Variants in ATP10D observed in about 807,000 individuals in gnomAD.
ATP10D encodes phospholipid-transporting ATPase VD.
In ATP10D, 89 loss-of-function variants were observed where a neutral mutation model predicts 144.8. The ratio of observed to expected loss-of-function variants is 0.61; its 90% CI spans 0.52 to 0.73. The LOEUF is 0.73. ATP10D is among the 30% of genes least tolerant of loss of function. ATP10D has a pLI of 0.00. For synonymous variants in ATP10D, 571 were observed against 615.1 expected, an observed-to-expected ratio of 0.93 and a Z score of 1.06; for missense variants, 1,603 against 1,714.8, an observed-to-expected ratio of 0.93 and a Z score of 1.15.
chr4:47,550,233 A>G (rs1050710611), intron 10 of ATP10D, among the ~76,000 whole-genome samples: 2 of 152,286 alleles, frequency 1.3e-5, no homozygotes, highest in East Asian at 3.9e-4. Context: ...AGTTTTGCAT[A>G]AACAATTATA....
At chr4:47,547,097 A>G (rs1013338554) in intron 10 of ATP10D, 3 of 525,240 alleles carry the variant, frequency 5.7e-6, no homozygotes, top group East Asian at 3.2e-5. Flanking sequence ...TCTGAAAAAA[A>G]AAAAGGAGAA....
chr4:47,496,040 A>T (rs953766874), intron 1 of ATP10D, among the ~76,000 whole-genome samples: 3 of 152,040 alleles, frequency 2.0e-5, no homozygotes, highest in Non-Finnish European at 2.9e-5. Context: ...CCCAGCCTAA[A>T]CATCATTTTT....
At chr4:47,562,516 ATGTC>A (rs1560446844) in intron 14 of ATP10D, among the ~76,000 whole-genome samples, 1 of 152,208 alleles carries the variant, frequency 6.6e-6, no homozygotes, top group Non-Finnish European at 1.5e-5. Context: ...ACCAGTCAGA[ATGTC>A]TGTTAAAACG....
intron 16 of ATP10D, among the ~76,000 whole-genome samples, chr4:47,570,802 C>CA (rs35697866): frequency 1.6e-3 from 208 of 129,332 alleles, no homozygotes; most frequent in East Asian, 9.3e-3. Flanking sequence ...GATTCTGTCT[C>CA]AAAAAAAAAA....
intron 1 of ATP10D, among the ~76,000 whole-genome samples, chr4:47,487,627 T>C (rs1192682933): frequency 6.6e-6 from 1 of 152,228 alleles, no homozygotes; most frequent in Non-Finnish European, 1.5e-5. Flanking sequence ...CTATTCCTCG[T>C]CAGTTATTCC....
intron 18 of ATP10D, among the ~76,000 whole-genome samples, chr4:47,576,192 A>G (rs1179294824): frequency 1.3e-5 from 2 of 151,690 alleles, no homozygotes; most frequent in Admixed American, 1.3e-4. Flanking sequence ...CGGCCTCCCA[A>G]AGTGTGGGGT....
intron 10 of ATP10D, among the ~76,000 whole-genome samples, chr4:47,554,515 G>A (rs1198842032): frequency 6.6e-6 from 1 of 152,120 alleles, no homozygotes; most frequent in Non-Finnish European, 1.5e-5. Context: ...TTGATGAGGT[G>A]CATTCTGGAT....
At position 47,504,290 on chromosome 4, in the gene ATP10D, T is replaced by G. The variant is rs1362061919; in HGVS notation, c.-37-8214T>G. On this transcript the variant is annotated intron_variant, in intron 1 of 22. Transcript: ENST00000273859. ...GTGAGGTGAAGAAAAACCTTTTTTTTGTAGATAGAGGATAGTAGTTACCAA... is the reference window on the plus strand; with the variant it reads ...GTGAGGTGAAGAAAAACCTTTTTTTGGTAGATAGAGGATAGTAGTTACCAA... 2.0e-5 allele frequency among the ~76,000 whole-genome samples: 3 copies of G among 152,182 alleles called. No individual in the cohort carries two copies. The South Asian group carries it at 6.2e-4, about 32-fold the overall frequency.
chr4:47,532,672 C>A (rs1717627015), intron 5 of ATP10D, among the ~76,000 whole-genome samples: 1 of 152,190 alleles, frequency 6.6e-6, no homozygotes. Flanking sequence ...AATTGAGATG[C>A]TTAAGCTACC....
intron 15 of ATP10D, among the ~76,000 whole-genome samples, chr4:47,565,888 C>A (rs535349266): frequency 3.3e-5 from 5 of 152,052 alleles, no homozygotes; most frequent in Non-Finnish European, 5.9e-5. Flanking sequence ...TTTTTGCTAT[C>A]GATAGCTATT....
chr4:47,590,633 G>A (rs4558836), intron 22 of ATP10D, among the ~76,000 whole-genome samples: 19,395 of 152,022 alleles, frequency 0.13, 1,695 homozygotes, highest in East Asian at 0.48. Context: ...AAAGGGACAC[G>A]TTTGTGGTAC....
intron 4 of ATP10D, among the ~76,000 whole-genome samples, chr4:47,524,628 C>A (rs186617156): frequency 6.6e-6 from 1 of 152,176 alleles, no homozygotes; most frequent in Non-Finnish European, 1.5e-5. Flanking sequence ...CTGGTGACCT[C>A]GATTGTAATC....
chr4:47,560,694 A>G (rs1719249654), intron 13 of ATP10D, among the ~76,000 whole-genome samples: 1 of 152,222 alleles, frequency 6.6e-6, no homozygotes, highest in African/African-American at 2.4e-5. Flanking sequence ...ACCCACTGTC[A>G]TCATATATGG....
chr4:47,568,697 A>G, intron 15 of ATP10D, 140 bp from the exon 16 acceptor site: 1 of 747,554 alleles, frequency 1.3e-6, no homozygotes, highest in Non-Finnish European at 2.2e-6. Flanking sequence ...GAAGACTCGT[A>G]AAATCTTTGA....
intron 3 of ATP10D, among the ~76,000 whole-genome samples, chr4:47,517,415 CAAAT>C (rs1716746573): frequency 6.6e-6 from 1 of 152,164 alleles, no homozygotes; most frequent in East Asian, 1.9e-4. Context: ...GACCCTGTCT[CAAAT>C]GAATGAAATA....
chr4:47,582,043 GGT>G lies in ATP10D; in HGVS notation c.3733_3734del (p.Val1245HisfsTer2). ...AALFIVLLHL[V>X]IESKSLTWIH... ...CTCTGTTCATCGTTCTCCTCCATCT[GGT>G]CATTGAAAGCAAGAGTTTGGTGAGT... On this transcript the variant is annotated frameshift_variant, in exon 21 of 23. Transcript: ENST00000273859. LOFTEE classifies it high-confidence loss of function. The G allele has an allele frequency of 6.2e-7, 1 of 1,613,842 alleles. No homozygotes were observed. Among genetic ancestry groups the G allele is most frequent in the African/African-American group, 1.3e-5 (1 of 75,026 alleles).
At chr4:47,533,748 A>T (rs1215903046) in intron 5 of ATP10D, among the ~76,000 whole-genome samples, 4 of 152,336 alleles carry the variant, frequency 2.6e-5, no homozygotes, top group African/African-American at 9.6e-5. Flanking sequence ...AACACAAAAA[A>T]GTAGAAAGAA....
chr4:47,530,905 T>C (rs1210815652), intron 5 of ATP10D, among the ~76,000 whole-genome samples: 1 of 152,248 alleles, frequency 6.6e-6, no homozygotes, highest in Non-Finnish European at 1.5e-5. Flanking sequence ...TAATATTTTA[T>C]TGAAGATTTT....
intron 1 of ATP10D, among the ~76,000 whole-genome samples, chr4:47,502,057 A>C (rs1234851226): frequency 1.3e-5 from 2 of 152,194 alleles, no homozygotes; most frequent in Non-Finnish European, 2.9e-5. Flanking sequence ...GATTTCTTTT[A>C]GTTCCCAATA....
Sources: allele counts gnomAD v4.1 joint callset (sites outside exome capture counted in the v4.1 genomes callset), GRCh38; gene constraint gnomAD v4.1.1; transcripts MANE v1.5; gene names NCBI Gene and HGNC (gene_info 2026-07-23, HGNC 2026-07-21).